Variants in CNIH3 observed in about 807,000 individuals in gnomAD.
CNIH3 encodes the protein protein cornichon homolog 3.
CNIH3 carries 14 observed loss-of-function variants against 24.1 expected under a neutral mutation model. The ratio of observed to expected loss-of-function variants is 0.58; its 90% CI spans 0.38 to 0.91. CNIH3 has a LOEUF of 0.91. CNIH3 is among the 40% of genes least tolerant of loss of function. The pLI is 0.00. For synonymous variants in CNIH3, 68 were observed against 73.8 expected (o/e 0.92, Z 0.40); for missense variants, 178 against 196.8 (o/e 0.90, Z 0.57).
intron 1 of CNIH3, among the ~76,000 whole-genome samples, chr1:224,476,123 A>T (rs1676578079): frequency 1.3e-5 from 2 of 152,248 alleles, no homozygotes; most frequent in Non-Finnish European, 1.5e-5. Context: ...TCTAGGACAG[A>T]CCCACAGCTA....
At chr1:224,610,357 G>C (rs1682629963) in intron 3 of CNIH3, among the ~76,000 whole-genome samples, 1 of 152,196 alleles carries the variant, frequency 6.6e-6, no homozygotes, top group African/African-American at 2.4e-5. Context: ...GAGGAATCTG[G>C]TAGGAGATGA....
At chr1:224,644,272 A>G (rs1684494555) in intron 1 of CNIH3, among the ~76,000 whole-genome samples, 1 of 152,120 alleles carries the variant, frequency 6.6e-6, no homozygotes. Flanking sequence ...GTGCAGTGGC[A>G]CAGTCATGGC....
chr1:224,643,577 T>G (rs1196004629), intron 1 of CNIH3, among the ~76,000 whole-genome samples: 1 of 152,186 alleles, frequency 6.6e-6, no homozygotes, highest in Non-Finnish European at 1.5e-5. Context: ...CAGCCTCCCT[T>G]CTGTTGTGGG....
chr1:224,498,622 G>A (rs1572364093), intron 1 of CNIH3, among the ~76,000 whole-genome samples: 2 of 152,208 alleles, frequency 1.3e-5, no homozygotes, highest in East Asian at 3.8e-4. Flanking sequence ...AAAACAGGAA[G>A]CTGGCAGTGA....
intron 1 of CNIH3, among the ~76,000 whole-genome samples, chr1:224,457,791 T>C (rs1480097461): frequency 6.6e-6 from 1 of 152,226 alleles, no homozygotes; most frequent in East Asian, 1.9e-4. Flanking sequence ...ACCTCCAATG[T>C]CAGTGTCAAT....
intron 1 of CNIH3, among the ~76,000 whole-genome samples, chr1:224,444,738 G>A (rs1394112224): frequency 2.0e-5 from 3 of 151,946 alleles, no homozygotes; most frequent in Non-Finnish European, 2.9e-5. Flanking sequence ...TTCGACTCCC[G>A]GGTTCAAGCA....
chr1:224,695,901 A>C (rs761674153), intron 3 of CNIH3, among the ~76,000 whole-genome samples: 1 of 152,200 alleles, frequency 6.6e-6, no homozygotes, highest in Non-Finnish European at 1.5e-5. Context: ...CAAATCATTG[A>C]TTGTTCTGAC....
intron 1 of CNIH3, among the ~76,000 whole-genome samples, chr1:224,494,277 G>A (rs778630447): frequency 6.6e-6 from 1 of 152,124 alleles, no homozygotes; most frequent in Non-Finnish European, 1.5e-5. Flanking sequence ...GCCTCTCAAC[G>A]TGCTATCTAG....
At chr1:224,516,216 G>A (rs1057027867) in intron 1 of CNIH3, among the ~76,000 whole-genome samples, 1 of 150,360 alleles carries the variant, frequency 6.7e-6, no homozygotes, top group African/African-American at 2.4e-5. Context: ...TTGAGAGGCT[G>A]AGGCAGGAGA....
chr1:224,730,711 C>A, intron 4 of CNIH3, 137 bp downstream of exon 4: 1 of 607,722 alleles, frequency 1.6e-6, no homozygotes, highest in South Asian at 2.2e-5. Context: ...CTCTTTAAAG[C>A]CTGTTCCCAA....
intron 1 of CNIH3, among the ~76,000 whole-genome samples, chr1:224,634,230 G>A (rs536584020): frequency 3.9e-5 from 6 of 152,344 alleles, no homozygotes; most frequent in African/African-American, 1.4e-4. Context: ...TGAGGGCTTT[G>A]CAGGACTTTA....
At chr1:224,536,323 C>T (rs1679283109) in intron 2 of CNIH3, among the ~76,000 whole-genome samples, 1 of 110,746 alleles carries the variant, frequency 9.0e-6, no homozygotes, top group Non-Finnish European at 1.7e-5. Flanking sequence ...CAGAGTTGTA[C>T]TCTTGTCGCC....
intron 2 of CNIH3, among the ~76,000 whole-genome samples, chr1:224,527,479 G>C (rs1678890607): frequency 1.3e-5 from 2 of 152,192 alleles, no homozygotes; most frequent in Admixed American, 6.5e-5. Flanking sequence ...TGTCACTAAG[G>C]CAGCAGATCC....
chr1:224,643,868 C>T (rs965106545), intron 1 of CNIH3, among the ~76,000 whole-genome samples: 5 of 152,338 alleles, frequency 3.3e-5, no homozygotes, highest in South Asian at 2.1e-4. Context: ...CCTCCCAGTT[C>T]GCAGGTTGGC....
At chr1:224,720,401 A>G (rs947440259) in intron 3 of CNIH3, among the ~76,000 whole-genome samples, 5 of 152,128 alleles carry the variant, frequency 3.3e-5, no homozygotes, top group African/African-American at 4.8e-5. Context: ...TTGTTACATA[A>G]GAGACCTGGC....
chr1:224,453,369 G>A (rs1156431240), intron 1 of CNIH3, among the ~76,000 whole-genome samples: 1 of 148,782 alleles, frequency 6.7e-6, no homozygotes, highest in Non-Finnish European at 1.5e-5. Flanking sequence ...CTTTTTTTTT[G>A]TAGAAACGGT....
intron 3 of CNIH3, among the ~76,000 whole-genome samples, chr1:224,721,458 G>T (rs1172076668): frequency 6.6e-6 from 1 of 152,206 alleles, no homozygotes; most frequent in Non-Finnish European, 1.5e-5. Flanking sequence ...TGAATTGCCA[G>T]CAAGTTGTAG....
At chr1:224,523,073 A>C (rs1678704789) in intron 2 of CNIH3, among the ~76,000 whole-genome samples, 2 of 152,050 alleles carry the variant, frequency 1.3e-5, no homozygotes, top group South Asian at 4.1e-4. Flanking sequence ...CATCTCTACA[A>C]AAAATAAAAA....
At chr1:224,449,649 C>G (rs1572261782) in intron 1 of CNIH3, among the ~76,000 whole-genome samples, 2 of 152,140 alleles carry the variant, frequency 1.3e-5, no homozygotes, top group Non-Finnish European at 2.9e-5. Flanking sequence ...CACACCACCA[C>G]CCCCGGCTAC....
Sources: gnomAD v4.1 joint callset for allele counts (sites outside exome capture counted in the v4.1 genomes callset) on GRCh38, gnomAD v4.1.1 for gene constraint, MANE v1.5 for transcripts, NCBI Gene and HGNC (gene_info 2026-07-23, HGNC 2026-07-21) for gene names.